Variants in BAZ2B observed in about 807,000 individuals in gnomAD.
BAZ2B encodes the protein bromodomain adjacent to zinc finger domain 2B, also known as bromodomain adjacent to zinc finger domain protein 2B.
Under a neutral mutation model 246.0 loss-of-function variants are expected in BAZ2B, and 91 were observed. That is an observed-to-expected ratio of 0.37 (90% CI 0.31 to 0.44). BAZ2B has a LOEUF of 0.44. BAZ2B is among the 20% of genes least tolerant of loss of function. The pLI is 1.00. For synonymous variants in BAZ2B, 855 were observed against 860.0 expected (o/e 0.99, Z 0.10); for missense variants, 2,332 against 2,533.7 (o/e 0.92, Z 1.71).
chr2:159,569,659 C>T (rs1683469349), intron 1 of BAZ2B, among the ~76,000 whole-genome samples: 1 of 151,854 alleles, frequency 6.6e-6, no homozygotes, highest in African/African-American at 2.4e-5. Flanking sequence ...TTTTTCTTGT[C>T]ATAGTGTTTC....
rs568840978 is a variant in BAZ2B, at chr2:159,397,275, T to C, written c.3009+70A>G. ...TTTAAAGAAAATATTTTGAAGATTT[T>C]CCCCCAAATAGGTTTAAGCAATATT... On this transcript the variant is annotated intron_variant, in intron 19 of 36. Coordinates refer to ENST00000392783, the MANE Select transcript of BAZ2B (RefSeq NM_013450.4). 3.7e-6 allele frequency: 5 copies of C among 1,334,364 alleles called. No individual in the cohort carries two copies. The African/African-American group carries it at 7.4e-5, about 20-fold the overall frequency. The allele number at this position is 1,334,364 out of a possible 1,614,324, so 82.7% of individuals were successfully genotyped here.
In BAZ2B at chr2:159,337,222, T is replaced by C. The variant is rs1169049797; in HGVS notation, c.5661-145A>G. The C allele has an allele frequency of 4.4e-6, 5 of 1,125,114 alleles. No individual in the cohort carries two copies. In the South Asian group the frequency reaches 4.6e-5, roughly 10 times the overall value. The allele number at this position is 1,125,114 out of a possible 1,614,324, so 69.7% of individuals were successfully genotyped here. ...AAGGTTTAAGCAACTAAATTTGATG[T>C]AGTGCACAGACTGTGGCTACGTGCC... is the stretch of plus-strand genomic sequence containing the variant. On this transcript the variant is annotated intron_variant, in intron 32 of 36. Transcript: ENST00000392783.
At chr2:159,588,140 C>T (rs1345742684) in intron 1 of BAZ2B, among the ~76,000 whole-genome samples, 3 of 149,228 alleles carry the variant, frequency 2.0e-5, no homozygotes, top group Non-Finnish European at 4.4e-5. Context: ...CTGCAGTGAG[C>T]TACGATTGTA....
chr2:159,532,401 C>A (rs540105055), intron 2 of BAZ2B, among the ~76,000 whole-genome samples: 1 of 151,998 alleles, frequency 6.6e-6, no homozygotes, highest in African/African-American at 2.4e-5. Flanking sequence ...ATGTTCTCTA[C>A]CAAATAAATA....
chr2:159,335,790 T>C (rs1192016814), intron 33 of BAZ2B, among the ~76,000 whole-genome samples: 5 of 152,206 alleles, frequency 3.3e-5, no homozygotes. Flanking sequence ...ACAACCATTT[T>C]AAGTAAAGGA....
intron 27 of BAZ2B, among the ~76,000 whole-genome samples, chr2:159,372,363 T>A (rs372220345): frequency 2.1e-4 from 32 of 152,332 alleles, no homozygotes; most frequent in East Asian, 1.4e-3. Flanking sequence ...ATATAAGCAC[T>A]AACATAACAC....
At chr2:159,358,351 CAA>C (rs1365500136) in intron 27 of BAZ2B, among the ~76,000 whole-genome samples, 1 of 151,402 alleles carries the variant, frequency 6.6e-6, no homozygotes, top group African/African-American at 2.4e-5. Context: ...CAACAAAGAT[CAA>C]AAGAGACAAA....
rs566932104 is a variant in BAZ2B at position 159,436,678 on chromosome 2, G to C, written c.1293+1625C>G. On this transcript the variant is annotated intron_variant, in intron 8 of 36. Transcript: ENST00000392783. ...AGGCGGGAGAATGGCGTGAACCCAG[G>C]AGGTGGAGCTTGCAGTGAGCGGAGA... 1.6e-4 allele frequency among the ~76,000 whole-genome samples: 24 copies of C among 152,304 alleles called. No individual in the cohort carries two copies. In the East Asian group the frequency reaches 3.7e-3, roughly 23 times the overall value.
intron 2 of BAZ2B, among the ~76,000 whole-genome samples, chr2:159,555,250 C>T (rs1254078594): frequency 6.6e-6 from 1 of 151,872 alleles, no homozygotes; most frequent in African/African-American, 2.4e-5. Context: ...TGCCACCATG[C>T]CCAGCTATTT....
Position 159,433,325 on chromosome 2 carries a change from T to C in BAZ2B, c.1332A>G (p.Lys444=). 4.3e-6 allele frequency: 7 copies of C among 1,613,960 alleles called. No homozygotes were observed. The highest frequency in any genetic ancestry group is 5.9e-6 in the Non-Finnish European group (7 of 1,180,016). ...YKQAFPSQLK[K]QESSKSLKKV... ...TCTTCAGGCTCTTCGATGACTCTTGTTTCTTTAACTGTGATGGGAATGCCT... is the reference window on the plus strand; with the variant it reads ...TCTTCAGGCTCTTCGATGACTCTTGCTTCTTTAACTGTGATGGGAATGCCT... Residue 444 remains lysine, a synonymous_variant, in exon 9 of 37, where the codon AAA becomes AAG. Transcript: ENST00000392783.
chr2:159,343,818 A>G (rs957043750), intron 31 of BAZ2B, among the ~76,000 whole-genome samples: 2 of 151,728 alleles, frequency 1.3e-5, no homozygotes, highest in African/African-American at 4.8e-5. Context: ...CAAGGTCAGG[A>G]GATCAAGACC....
chr2:159,448,254 C>A lies in BAZ2B; in HGVS notation c.490G>T (p.Gly164Cys), dbSNP rs948120805. ...TAAATGTGGATACCTTTTTCGGGACCATTTCGATTACTTTTTCCCGAAGTC... is the reference window on the plus strand; with the variant it reads ...TAAATGTGGATACCTTTTTCGGGACAATTTCGATTACTTTTTCCCGAAGTC... ...SRTSGKSNRN[G>C]PEKGVNGSIN... The change falls in exon 5 of 37, where the codon GGT (glycine) becomes TGT (cysteine). Residue 164 changes from glycine to cysteine, a missense_variant. Around this residue, in one of 9 missense-constraint regions of BAZ2B, gnomAD observed 242 missense variants for 237.4 expected, o/e 1.02. Transcript: ENST00000392783. 1 of 1,609,410 alleles carries A rather than the reference C, an allele frequency of 6.2e-7. No homozygotes were observed. The highest frequency in any genetic ancestry group is 1.7e-5 in the Admixed American group (1 of 58,624).
At chr2:159,462,808 A>G in intron 3 of BAZ2B, 1 of 1,467,396 alleles carries the variant, frequency 6.8e-7, no homozygotes, top group Non-Finnish European at 9.6e-7. Flanking sequence ...TCTGTTGCCC[A>G]TCGATAGTTT....
chr2:159,336,878 T>C, intron 33 of BAZ2B, 64 bp downstream of exon 33: 2 of 1,353,486 alleles, frequency 1.5e-6, no homozygotes, highest in South Asian at 2.9e-5. Context: ...AAGAAAGATC[T>C]GGAGGTTGGA....
chr2:159,425,023 A>G (rs184174864), intron 13 of BAZ2B, among the ~76,000 whole-genome samples: 45 of 152,330 alleles, frequency 3.0e-4, no homozygotes, highest in Non-Finnish European at 5.9e-5. Flanking sequence ...TTCATTTGCT[A>G]TCAAACATCA....
intron 1 of BAZ2B, among the ~76,000 whole-genome samples, chr2:159,556,888 C>T (rs549790009): frequency 6.6e-6 from 1 of 152,082 alleles, no homozygotes; most frequent in South Asian, 2.1e-4. Flanking sequence ...TTATCAGGTC[C>T]TCATAACGAA....
chr2:159,662,693 TTTTTTTTTTTGTA>T, the BAZ2B span, among the ~76,000 whole-genome samples: 228 of 147,210 alleles, frequency 1.5e-3, no homozygotes, highest in Non-Finnish European at 2.7e-3. Context: ...CCCGGCTAAT[TTTTTTTTTTTGTA>T]TTTTTAGTAG....
chr2:159,488,435 A>G (rs1369118382), intron 2 of BAZ2B, among the ~76,000 whole-genome samples: 1 of 152,146 alleles, frequency 6.6e-6, no homozygotes, highest in South Asian at 2.1e-4. Context: ...TATCCCATTT[A>G]CCCTGATGTG....
Position 159,349,810 on chromosome 2 carries a change from C to T in BAZ2B, c.4761G>A (p.Gln1587=). ...DMSTASLVTP[Q]SQPPSKSPSP... ...AAGGTGACTTAGATGGTGGCTGAGA[C>T]TGAGGAGTCACCAAAGAAGCAGTTG... The change falls in exon 28 of 37, where the codon CAG becomes CAA. Residue 1587 remains glutamine (Q), a synonymous_variant. Coordinates refer to ENST00000392783, the MANE Select transcript of BAZ2B (RefSeq NM_013450.4). The T allele has an allele frequency of 6.2e-7, 1 of 1,614,110 alleles. No homozygotes were observed. Among genetic ancestry groups the T allele is most frequent in the Non-Finnish European group, 8.5e-7 (1 of 1,179,998 alleles).
Sources: gnomAD v4.1 joint callset for allele counts (sites outside exome capture counted in the v4.1 genomes callset) on GRCh38, gnomAD v4.1.1 for gene constraint, gnomAD v4.1.1 regional missense constraint, MANE v1.5 for transcripts, NCBI Gene and HGNC (gene_info 2026-07-23, HGNC 2026-07-21) for gene names.